The following PEBP4 variants were observed in gnomAD, a reference collection of about 807,000 sequenced individuals.
PEBP4 encodes the protein phosphatidylethanolamine binding protein 4, also known as phosphatidylethanolamine-binding protein 4.
Under a neutral mutation model 23.9 loss-of-function variants are expected in PEBP4, and 22 were observed. That is an observed-to-expected ratio of 0.92 (90% CI 0.66 to 1.31). The LOEUF is 1.31. Ranked by LOEUF, PEBP4 falls within the 40% of genes most tolerant of loss-of-function variation. The pLI is 0.00. For synonymous variants in PEBP4, 112 were observed against 99.3 expected, an observed-to-expected ratio of 1.13 and a Z score of -0.76; for missense variants, 324 against 281.7, an observed-to-expected ratio of 1.15 and a Z score of -1.07.
chr8:22,912,987 T>C (rs1808978701), intron 3 of PEBP4, among the ~76,000 whole-genome samples: 1 of 152,204 alleles, frequency 6.6e-6, no homozygotes, highest in Non-Finnish European at 1.5e-5. Flanking sequence ...CTGTCCCCTC[T>C]GCCTCTGGGC....
At chr8:22,816,803 T>C (rs1322842003) in intron 4 of PEBP4, among the ~76,000 whole-genome samples, 1 of 152,178 alleles carries the variant, frequency 6.6e-6, no homozygotes, top group Non-Finnish European at 1.5e-5. Flanking sequence ...TTCGTGACTG[T>C]TTGAGGCTAG....
intron 4 of PEBP4, among the ~76,000 whole-genome samples, chr8:22,767,617 G>C (rs1446808677): frequency 6.6e-6 from 1 of 151,966 alleles, no homozygotes; most frequent in African/African-American, 2.4e-5. Context: ...GGGGTATATG[G>C]ATGGGGAGGA....
At chr8:22,713,749 C>T (rs1585231798) in intron 6 of PEBP4, among the ~76,000 whole-genome samples, 1 of 152,234 alleles carries the variant, frequency 6.6e-6, no homozygotes, top group South Asian at 2.1e-4. Context: ...GAGCTGCCTG[C>T]TCCCCAGAGG....
intron 3 of PEBP4, among the ~76,000 whole-genome samples, chr8:22,908,508 A>T (rs1411401633): frequency 2.0e-5 from 3 of 152,184 alleles, no homozygotes; most frequent in Non-Finnish European, 2.9e-5. Context: ...TGAAATGGAT[A>T]TTCCACCCAT....
At chr8:22,876,884 G>A (rs2128771382) in intron 3 of PEBP4, among the ~76,000 whole-genome samples, 1 of 152,310 alleles carries the variant, frequency 6.6e-6, no homozygotes, top group South Asian at 2.1e-4. Context: ...TAACTGCTGT[G>A]TGAGGCTGGA....
chr8:22,929,455 G>C (rs1396784352), upstream of PEBP4, among the ~76,000 whole-genome samples: 1 of 152,196 alleles, frequency 6.6e-6, no homozygotes, highest in Non-Finnish European at 1.5e-5. Context: ...AGAAGGGAGA[G>C]CCCACAGTGC....
intron 2 of PEBP4, chr8:22,925,073 G>C (rs1809295742): frequency 1.0e-6 from 1 of 985,182 alleles, no homozygotes; most frequent in Non-Finnish European, 1.2e-6. Flanking sequence ...AGTGCAGGAG[G>C]TCCTGCTGTC....
At chr8:22,725,594 T>A (rs1298479523) in intron 5 of PEBP4, among the ~76,000 whole-genome samples, 2 of 152,084 alleles carry the variant, frequency 1.3e-5, no homozygotes, top group Admixed American at 6.5e-5. Flanking sequence ...GGGACATCCC[T>A]CATTCTTTCC....
At chr8:22,918,295 C>A (rs924618274) in intron 3 of PEBP4, among the ~76,000 whole-genome samples, 4 of 152,152 alleles carry the variant, frequency 2.6e-5, no homozygotes, top group African/African-American at 9.7e-5. Context: ...TCAAATCTTC[C>A]TTTGTAAAAT....
intron 3 of PEBP4, among the ~76,000 whole-genome samples, chr8:22,829,125 G>A (rs886938635): frequency 6.6e-6 from 1 of 152,132 alleles, no homozygotes; most frequent in African/African-American, 2.4e-5. Context: ...CAGCTTAAAT[G>A]GCCAGAACCT....
intron 4 of PEBP4, among the ~76,000 whole-genome samples, chr8:22,781,811 G>A (rs935871527): frequency 1.8e-4 from 27 of 152,336 alleles, no homozygotes; most frequent in Admixed American, 7.8e-4. Flanking sequence ...GTTGGACTTC[G>A]GACATGGCAG....
chr8:22,906,764 G>A (rs1808824759), intron 3 of PEBP4, among the ~76,000 whole-genome samples: 1 of 152,220 alleles, frequency 6.6e-6, no homozygotes, highest in East Asian at 1.9e-4. Context: ...CCTACCATGT[G>A]ACTGAGACTG....
At chr8:22,856,146 T>G (rs1367098973) in intron 3 of PEBP4, among the ~76,000 whole-genome samples, 1 of 150,750 alleles carries the variant, frequency 6.6e-6, no homozygotes. Flanking sequence ...ATAATATACC[T>G]AATGTACTAA....
intron 3 of PEBP4, among the ~76,000 whole-genome samples, chr8:22,861,118 C>G (rs1807771219): frequency 2.0e-5 from 3 of 152,186 alleles, no homozygotes; most frequent in Admixed American, 6.5e-5. Context: ...AGCTGGAAGT[C>G]AGTGCCCACT....
intron 3 of PEBP4, among the ~76,000 whole-genome samples, chr8:22,820,600 C>T (rs1463120191): frequency 6.6e-6 from 1 of 152,140 alleles, no homozygotes; most frequent in Non-Finnish European, 1.5e-5. Context: ...CTCTCTACCC[C>T]AGGAGTCCAG....
intron 3 of PEBP4, among the ~76,000 whole-genome samples, chr8:22,883,251 C>T (rs1808301382): frequency 1.3e-5 from 2 of 152,224 alleles, no homozygotes; most frequent in Admixed American, 1.3e-4. Flanking sequence ...TTGATCCAAA[C>T]ACTTTCTGAT....
At chr8:22,906,582 A>G (rs1397204774) in intron 3 of PEBP4, among the ~76,000 whole-genome samples, 2 of 152,226 alleles carry the variant, frequency 1.3e-5, no homozygotes, top group Middle Eastern at 3.2e-3. Context: ...CTCGACTGTC[A>G]TGTTGCAAGG....
At chr8:22,884,749 CCTCT>C (rs1325815253) in intron 3 of PEBP4, 1 of 152,214 alleles carries the variant, frequency 6.6e-6, no homozygotes, top group Non-Finnish European at 1.5e-5. Flanking sequence ...AATTCAACAT[CCTCT>C]CTCTCTTCTC....
chr8:22,935,433 G>A (rs957360023), intron 1 of PEBP4, among the ~76,000 whole-genome samples: 14 of 152,222 alleles, frequency 9.2e-5, no homozygotes, highest in African/African-American at 3.1e-4. Flanking sequence ...GGCTGAGGCA[G>A]GAGAATTGCT....
Sources: allele counts gnomAD v4.1 joint callset (sites outside exome capture counted in the v4.1 genomes callset), GRCh38; gene constraint gnomAD v4.1.1; transcripts MANE v1.5; gene names NCBI Gene and HGNC (gene_info 2026-07-23, HGNC 2026-07-21).